SECISBP2: variants seen among roughly 807,000 people sequenced by gnomAD.
SECISBP2 encodes the protein selenocysteine insertion sequence-binding protein 2.
SECISBP2 carries 96 observed loss-of-function variants against 98.2 expected under a neutral mutation model. The ratio of observed to expected loss-of-function variants is 0.98; its 90% CI spans 0.83 to 1.16. The LOEUF is 1.16. SECISBP2 is among the 50% of genes most tolerant of loss of function. SECISBP2 has a pLI of 0.00. For missense variants in SECISBP2, 1,046 were observed against 1,022.9 expected, an observed-to-expected ratio of 1.02 and a Z score of -0.31; for synonymous variants, 407 against 370.2, an observed-to-expected ratio of 1.10 and a Z score of -1.14.
chr9:89,333,561 A>G (rs1434999887), intron 6 of SECISBP2, among the ~76,000 whole-genome samples: 1 of 152,152 alleles, frequency 6.6e-6, no homozygotes, highest in Non-Finnish European at 1.5e-5. Flanking sequence ...TGCCTCATAC[A>G]GCATTTGGAA....
downstream of SECISBP2, chr9:89,364,179 AT>A: frequency 1.2e-6 from 1 of 827,936 alleles, no homozygotes; most frequent in Non-Finnish European, 1.8e-6. Context: ...CTTAATTGCC[AT>A]TTTTCAAAGC....
At chr9:89,336,106 T>TTTC (rs1564372315) in intron 7 of SECISBP2, among the ~76,000 whole-genome samples, 2 of 144,186 alleles carry the variant, frequency 1.4e-5, no homozygotes, top group East Asian at 2.2e-4. Context: ...TTTTTTTTTT[T>TTTC]TTCACTGCAG....
Position 89,354,848 on chromosome 9 carries a change from G to C in SECISBP2, c.2114-2563G>C. The C allele has an allele frequency of 4.1e-6, 4 of 985,372 alleles. No homozygotes were observed. In the South Asian group the frequency reaches 1.4e-4, roughly 35 times the overall value. The allele number at this position is 985,372 out of a possible 1,614,324, so 61.0% of individuals were successfully genotyped here. On this transcript the variant is annotated intron_variant, in intron 14 of 16. Coordinates refer to ENST00000375807, the MANE Select transcript of SECISBP2 (RefSeq NM_024077.5). ...ACCCTCCAGTGAGAGAGATGCATCT[G>C]ATGTTACGGGGGACTTCATATGTCT...
In SECISBP2 at chr9:89,341,423, A is replaced by G. The variant is rs1829638144; in HGVS notation, c.1379A>G (p.Glu460Gly). 1 of 1,614,140 alleles carries G rather than the reference A, an allele frequency of 6.2e-7. No individual in the cohort carries two copies. Among genetic ancestry groups the G allele is most frequent in the Non-Finnish European group, 8.5e-7 (1 of 1,179,996 alleles). ...LDLGGMLTALEKKQHSQHAKQ... is the reference protein window; with the variant it reads ...LDLGGMLTALGKKQHSQHAKQ... ...TTGGGGGGCATGCTGACAGCCCTGG[A>G]GAAGAAGCAGCACTCTCAGCATGCA... Residue 460 changes from glutamate (E) to glycine (G), a missense_variant, in exon 10 of 17, where the codon GAG (glutamate) becomes GGG (glycine). Coordinates refer to ENST00000375807, the MANE Select transcript of SECISBP2 (RefSeq NM_024077.5).
rs763207611 is a variant in SECISBP2, at chr9:89,319,728, C to T, written c.113C>T (p.Ser38Leu). The change falls in exon 2 of 17, where the codon TCA becomes TTA. Residue 38 changes from serine (S) to leucine (L), a missense_variant. Coordinates refer to ENST00000375807, the MANE Select transcript of SECISBP2 (RefSeq NM_024077.5). Reference protein sequence around the residue: ...AGLNVAWLESSEACVFPSSAA... With the variant: ...AGLNVAWLESLEACVFPSSAA... Reference sequence around the variant, plus strand: ...CTCAATGTGGCATGGTTAGAGTCCTCAGAAGCATGTGTCTTCCCCAGCTCT... The same window carrying T: ...CTCAATGTGGCATGGTTAGAGTCCTTAGAAGCATGTGTCTTCCCCAGCTCT... 6.2e-7 allele frequency: 1 copy of T among 1,614,128 alleles called. No individual in the cohort carries two copies. Among genetic ancestry groups the T allele is most frequent in the Non-Finnish European group, 8.5e-7 (1 of 1,179,990 alleles).
rs542946830 is a variant in SECISBP2, at chr9:89,354,981, G to A, written c.2114-2430G>A. On this transcript the variant is annotated intron_variant, in intron 14 of 16. Coordinates refer to ENST00000375807, the MANE Select transcript of SECISBP2 (RefSeq NM_024077.5). ...CCTTTTCCCAGCCCATCTGGAACTG[G>A]TCTTTTTCTTCAAAGTTTCTATCCC... 154 of 985,384 alleles carry A rather than the reference G, an allele frequency of 1.6e-4. 1 individual carries two copies. In the African/African-American group the frequency reaches 2.5e-3, roughly 16 times the overall value. The allele number at this position is 985,384 out of a possible 1,614,324, so 61.0% of individuals were successfully genotyped here.
In SECISBP2 at chr9:89,349,076, G is replaced by A. The variant is rs74961065; in HGVS notation, c.1739-700G>A. Among the ~76,000 whole-genome samples the A allele has an allele frequency of 6.9e-3, 1,049 of 152,332 alleles. 15 individuals carry two copies. Among genetic ancestry groups the A allele is most frequent in the African/African-American group, 0.024 (994 of 41,570 alleles). On this transcript the variant is annotated intron_variant, in intron 12 of 16. Transcript: ENST00000375807. The stretch of plus-strand genomic sequence containing the variant: ...CAATGGGTTTCTGACTGTTCTACCA[G>A]TTACAGCCCCAGGGAGGCTGAGAGT...
intron 14 of SECISBP2, among the ~76,000 whole-genome samples, chr9:89,354,327 G>A (rs1236012790): frequency 6.6e-6 from 1 of 152,190 alleles, no homozygotes; most frequent in East Asian, 1.9e-4. Context: ...CAGTGAAAAG[G>A]CACAAAGCAA....
At position 89,338,515 on chromosome 9, in the gene SECISBP2, AAAAAG is replaced by A; in HGVS notation, c.1151_1155del (p.Lys384ArgfsTer8). The A allele has an allele frequency of 6.2e-7, 1 of 1,613,402 alleles. No individual in the cohort carries two copies. Among genetic ancestry groups the A allele is most frequent in the East Asian group, 2.2e-5 (1 of 44,850 alleles). Reference sequence around the variant, plus strand: ...AAATGAAGCCTCAAGAAAGAATAAGAAAAAGAAAGAAAAATCTACATCAAAATATG... The same window carrying A: ...AAATGAAGCCTCAAGAAAGAATAAGAAAAGAAAAATCTACATCAAAATATG... On this transcript the variant is annotated frameshift_variant, in exon 8 of 17. Transcript: ENST00000375807. LOFTEE classifies it high-confidence loss of function.
intron 4 of SECISBP2, among the ~76,000 whole-genome samples, chr9:89,327,298 T>C (rs1173287168): frequency 6.6e-6 from 1 of 152,268 alleles, no homozygotes; most frequent in African/African-American, 2.4e-5. Context: ...AGGGTGTTAC[T>C]GTACACTGTT....
rs1832491482 is a variant in SECISBP2, at chr9:89,358,745, A to G, written c.2486A>G (p.Glu829Gly). 6.2e-7 allele frequency: 1 copy of G among 1,613,310 alleles called. No individual in the cohort carries two copies. The change falls in exon 17 of 17, where the codon GAA (glutamate) becomes GGA (glycine). Residue 829 changes from glutamate (E) to glycine (G), a missense_variant. Glu to Gly is a moderately conservative substitution (Grantham distance 98, BLOSUM62 -2). Coordinates refer to ENST00000375807, the MANE Select transcript of SECISBP2 (RefSeq NM_024077.5). ...HYIEIWKKHL[E>G]AYSGCTLELE... ...GTTGAAATCTGGAAAAAACATCTGG[A>G]AGCATACAGTGGATGTACCCTGGAG...
Position 89,321,666 on chromosome 9 carries a change from A to T in SECISBP2, c.182+1869A>T, listed in dbSNP as rs556785604. Among the ~76,000 whole-genome samples, 22 of 135,348 alleles carry T rather than the reference A, an allele frequency of 1.6e-4. No homozygotes were observed. The East Asian group carries it at 2.4e-3, about 15-fold the overall frequency. 88.8% of individuals were successfully genotyped at this position (135,348 alleles called of 152,430 possible). The stretch of plus-strand genomic sequence containing the variant: ...GGGCAACAGAACAAGACTCTCTCTC[A>T]AAAAAAAAAAAATAGTTTTCTTAAC... On this transcript the variant is annotated intron_variant, in intron 2 of 16. Coordinates refer to ENST00000375807, the MANE Select transcript of SECISBP2 (RefSeq NM_024077.5).
At chr9:89,360,433 A>G (rs1832674925), downstream of SECISBP2, among the ~76,000 whole-genome samples, 1 of 152,108 alleles carries the variant, frequency 6.6e-6, no homozygotes, top group African/African-American at 2.4e-5. Context: ...GAATTTTAAA[A>G]TTTGATAAAT....
chr9:89,363,893 A>T (rs1554730057), downstream of SECISBP2: 15 of 1,613,972 alleles, frequency 9.3e-6, no homozygotes, highest in Middle Eastern at 3.3e-4. Flanking sequence ...CTGCACAGGG[A>T]CACAGGTCTC....
intron 9 of SECISBP2, 83 bp downstream of exon 9, chr9:89,340,036 G>T: frequency 1.0e-6 from 1 of 977,784 alleles, no homozygotes; most frequent in Non-Finnish European, 1.6e-6. Context: ...CTGCTTTCCA[G>T]ACATTTCTGT....
At position 89,359,544 on chromosome 9, in the gene SECISBP2, ATG is replaced by A. The variant is rs1832592924; in HGVS notation, c.*723_*724del. The A allele has an allele frequency of 6.6e-6, 1 of 152,262 alleles. No individual in the cohort carries two copies. Among genetic ancestry groups the A allele is most frequent in the African/African-American group, 2.4e-5 (1 of 41,444 alleles). The allele number at this position is 152,262 out of a possible 1,614,324, so 9.4% of individuals were successfully genotyped here. A position where few individuals can be genotyped will look rare whatever the true frequency, so the allele number is the denominator to read the frequency against. On this transcript the variant is annotated 3_prime_UTR_variant, in exon 17 of 17. Transcript: ENST00000375807. ...TCCTTTTTCAATGAACATATTCTGA[ATG>A]TGGTTTCTGTCTTAGACCAGGAGGA...
At chr9:89,318,751 T>G (rs1292923708) in intron 1 of SECISBP2, 139 bp downstream of exon 1, 11 of 1,225,920 alleles carry the variant, frequency 9.0e-6, no homozygotes, top group Non-Finnish European at 1.2e-5. Flanking sequence ...CCCTACCGGG[T>G]GGCCGCGATC....
At chr9:89,334,296 C>A in intron 6 of SECISBP2, 1 of 1,008,350 alleles carries the variant, frequency 9.9e-7, no homozygotes, top group Non-Finnish European at 1.4e-6. Flanking sequence ...AACCAGTTTC[C>A]AGGAAAATTA....
At chr9:89,347,763 C>T (rs556618441) in intron 11 of SECISBP2, among the ~76,000 whole-genome samples, 45 of 152,198 alleles carry the variant, frequency 3.0e-4, no homozygotes, top group African/African-American at 5.8e-4. Context: ...TGAGCCATCA[C>T]GCCCAGCCTC....
Sources: gnomAD v4.1 joint callset for allele counts (sites outside exome capture counted in the v4.1 genomes callset) on GRCh38, gnomAD v4.1.1 for gene constraint, MANE v1.5 for transcripts, NCBI Gene and HGNC (gene_info 2026-07-23, HGNC 2026-07-21) for gene names.